KLC1: variants seen among roughly 807,000 people sequenced by gnomAD.
KLC1 encodes kinesin 2 60/70kDa.
A neutral mutation model predicts 84.2 loss-of-function variants in KLC1; 30 were observed. The ratio of observed to expected loss-of-function variants is 0.36; its 90% CI spans 0.27 to 0.48. The LOEUF (loss-of-function observed/expected upper bound fraction) is 0.48. Among genes scored for constraint, KLC1 ranks in the 20% least tolerant of loss-of-function variants. The probability of loss-of-function intolerance (pLI) is 0.99; values close to 1 mark genes in which losing one functional copy is unlikely to be tolerated. For missense variants in KLC1, 499 were observed against 805.4 expected, an observed-to-expected ratio of 0.62 and a Z score of 4.60; for synonymous variants, 289 against 293.3, an observed-to-expected ratio of 0.99 and a Z score of 0.15.
chr14:103,631,717 C>T (rs2076703200), intron 1 of KLC1, among the ~76,000 whole-genome samples: 1 of 152,160 alleles, frequency 6.6e-6, no homozygotes, highest in Non-Finnish European at 1.5e-5. Flanking sequence ...CCTGCCTCAG[C>T]CTCCCTAGTA....
At chr14:103,633,213 A>G (rs914024937) in intron 1 of KLC1, among the ~76,000 whole-genome samples, 8 of 152,032 alleles carry the variant, frequency 5.3e-5, no homozygotes, top group Non-Finnish European at 1.0e-4. Context: ...GCGTGCCACC[A>G]CATCCGGCTA....
In KLC1 at chr14:103,693,775, C is replaced by T. The variant is rs1423333919; in HGVS notation, c.1848+1350C>T. ...CTTGGAGGTGCCTTTTCAAAACACC[C>T]GGGAGGCCGTGCCTCAGCATTCTGT... On this transcript the variant is annotated intron_variant, in intron 15 of 16. Transcript: ENST00000334553. The surrounding 1 kb of genome is among the most constrained non-coding windows in gnomAD (Gnocchi z 5.1). The T allele has an allele frequency of 4.2e-6, 6 of 1,422,158 alleles. No homozygotes were observed. Among genetic ancestry groups the T allele is most frequent in the Admixed American group, 2.9e-5 (1 of 34,372 alleles). 88.1% of individuals were successfully genotyped at this position (1,422,158 alleles called of 1,614,324 possible).
chr14:103,635,879 A>G (rs1567004182), intron 1 of KLC1, among the ~76,000 whole-genome samples: 1 of 152,162 alleles, frequency 6.6e-6, no homozygotes, highest in South Asian at 2.1e-4. Flanking sequence ...ATTCTAACTC[A>G]GTTTTTTTGC....
At chr14:103,668,208 C>G (rs1444000294) in intron 5 of KLC1, among the ~76,000 whole-genome samples, 1 of 152,190 alleles carries the variant, frequency 6.6e-6, no homozygotes, top group African/African-American at 2.4e-5. Flanking sequence ...CTGGTAGAGC[C>G]CAAGCTCAGA....
Position 103,699,534 on chromosome 14 carries a change from G to A in KLC1, c.1849-1121G>A, listed in dbSNP as rs778069090. ...ACCAGGCGAGCCATGCCCCGAGACAGCAGTACGGGGACCTTCTTATTCACA... is the reference window on the plus strand; with the variant it reads ...ACCAGGCGAGCCATGCCCCGAGACAACAGTACGGGGACCTTCTTATTCACA... On this transcript the variant is annotated intron_variant, in intron 15 of 16. Transcript: ENST00000334553. 3 of 1,613,542 alleles carry A rather than the reference G, an allele frequency of 1.9e-6. No individual in the cohort carries two copies. In the South Asian group the frequency reaches 3.3e-5, roughly 18 times the overall value.
intron 13 of KLC1, among the ~76,000 whole-genome samples, chr14:103,684,230 C>T (rs1302547286): frequency 2.6e-5 from 4 of 152,190 alleles, no homozygotes; most frequent in African/African-American, 7.2e-5. Flanking sequence ...AACTTAAGCA[C>T]TAAATTATCT....
intron 1 of KLC1, among the ~76,000 whole-genome samples, chr14:103,633,357 G>A (rs538881151): frequency 2.8e-4 from 43 of 152,076 alleles, no homozygotes; most frequent in African/African-American, 1.0e-3. Context: ...GCGCCTGGCC[G>A]GAGGGTTGGA....
rs536196042 is a variant in KLC1, at chr14:103,676,325, A to G, written c.1379+569A>G. Among the ~76,000 whole-genome samples, 15 of 151,956 alleles carry G rather than the reference A, an allele frequency of 9.9e-5. No individual in the cohort carries two copies. In the South Asian group the frequency reaches 1.9e-3, roughly 19 times the overall value. On this transcript the variant is annotated intron_variant, in intron 11 of 16. Coordinates refer to ENST00000334553, the MANE Select transcript of KLC1 (RefSeq NM_001394837.1). ...CTCTTGTCTCCCAGGCTGGAGTGCAATGGCGTGATCATGGCTCACTGCAAC... is the reference window on the plus strand; with the variant it reads ...CTCTTGTCTCCCAGGCTGGAGTGCAGTGGCGTGATCATGGCTCACTGCAAC...
chr14:103,630,669 C>G (rs932368574), intron 1 of KLC1, among the ~76,000 whole-genome samples: 9 of 152,194 alleles, frequency 5.9e-5, no homozygotes, highest in African/African-American at 2.2e-4. Context: ...TTGCTTCTTT[C>G]AGGGATTGTC....
intron 15 of KLC1, chr14:103,697,920 C>T (rs1041955715): frequency 6.6e-6 from 1 of 152,524 alleles, no homozygotes; most frequent in East Asian, 1.9e-4. Flanking sequence ...CCTGCCATAT[C>T]CCTACCAGAA....
intron 15 of KLC1, chr14:103,695,104 G>A: frequency 2.0e-6 from 2 of 985,028 alleles, no homozygotes; most frequent in Non-Finnish European, 2.4e-6. Context: ...AGGTGTTGAA[G>A]AAAATTTCAT....
intron 15 of KLC1, chr14:103,698,802 TG>T: frequency 6.3e-7 from 1 of 1,595,512 alleles, no homozygotes; most frequent in South Asian, 1.1e-5. Context: ...ACCGTGTCAG[TG>T]GGACTGGGTC....
At chr14:103,650,884 T>C (rs975246395) in intron 1 of KLC1, among the ~76,000 whole-genome samples, 3 of 152,130 alleles carry the variant, frequency 2.0e-5, no homozygotes, top group African/African-American at 7.2e-5. Flanking sequence ...CAGCCGCCTG[T>C]ATACTTTTGA....
rs150149108 is a variant in KLC1, at chr14:103,664,974, G to C, written c.797+2047G>C. On this transcript the variant is annotated intron_variant, in intron 5 of 16. Coordinates refer to ENST00000334553, the MANE Select transcript of KLC1 (RefSeq NM_001394837.1). ...TGCATGGGCACACACATCACTGCTG[G>C]GTGCTGGGGATGCCATGGCCTCTGT... 6.2e-3 allele frequency among the ~76,000 whole-genome samples: 949 copies of C among 152,140 alleles called. 10 individuals are homozygous for C. Among genetic ancestry groups the C allele is most frequent in the African/African-American group, 0.021 (862 of 41,506 alleles).
chr14:103,643,615 C>T (rs2077659676), intron 1 of KLC1, among the ~76,000 whole-genome samples: 1 of 152,094 alleles, frequency 6.6e-6, no homozygotes, highest in Admixed American at 6.6e-5. Flanking sequence ...CATGAGACAT[C>T]AATCAGATAC....
At chr14:103,695,099 T>C (rs923828675) in intron 15 of KLC1, 8 of 985,044 alleles carry the variant, frequency 8.1e-6, no homozygotes, top group African/African-American at 1.7e-5. Flanking sequence ...CATAGAGGTG[T>C]TGAAGAAAAT....
At chr14:103,683,866 G>T (rs2081567142) in intron 13 of KLC1, 1 of 152,222 alleles carries the variant, frequency 6.6e-6, no homozygotes, top group African/African-American at 2.4e-5. Context: ...AGAAATAGAT[G>T]AATTTTTATT....
intron 14 of KLC1, chr14:103,688,041 C>T (rs1180600526): frequency 2.0e-5 from 3 of 152,218 alleles, no homozygotes; most frequent in Non-Finnish European, 4.4e-5. Flanking sequence ...ACTTTAAGTT[C>T]TGTGAGTAAG....
rs901997663 is a variant in KLC1, at chr14:103,692,498, C to T, written c.1848+73C>T. ...GGCAGGTCTGCTGCAGACCCGCACT[C>T]GGCCCCTGCTCGGCCCCTGCTCCTG... On this transcript the variant is annotated intron_variant, in intron 15 of 16. Transcript: ENST00000334553. 36 of 1,325,570 alleles carry T rather than the reference C, an allele frequency of 2.7e-5. 1 individual carries two copies. Among genetic ancestry groups the T allele is most frequent in the South Asian group, 2.0e-4 (16 of 79,344 alleles). The allele number at this position is 1,325,570 out of a possible 1,614,324, so 82.1% of individuals were successfully genotyped here. A position where few individuals can be genotyped will look rare whatever the true frequency, so the allele number is the denominator to read the frequency against.
Sources: allele counts gnomAD v4.1 joint callset (sites outside exome capture counted in the v4.1 genomes callset), GRCh38; gene constraint gnomAD v4.1.1; non-coding constraint Gnocchi (gnomAD v3.1); transcripts MANE v1.5; gene names NCBI Gene and HGNC (gene_info 2026-07-23, HGNC 2026-07-21).